RBM19: variants seen among roughly 807,000 people sequenced by gnomAD.
The protein encoded by RBM19 is RNA binding motif protein 19.
RBM19 carries 94 observed loss-of-function variants against 116.8 expected under a neutral mutation model. The ratio of observed to expected loss-of-function variants is 0.80; its 90% CI spans 0.68 to 0.95. The LOEUF (loss-of-function observed/expected upper bound fraction) is 0.95. Ranked by LOEUF, RBM19 falls within the 40% of genes least tolerant of loss-of-function variation. The probability of loss-of-function intolerance (pLI) is 0.00; values close to 1 mark genes in which losing one functional copy is unlikely to be tolerated. For missense variants in RBM19, 1,161 were observed against 1,220.7 expected, an observed-to-expected ratio of 0.95 and a Z score of 0.73; for synonymous variants, 475 against 494.1, an observed-to-expected ratio of 0.96 and a Z score of 0.51.
chr12:113,928,624 G>GGGGTGTGTGTGTGTGTGT (rs757641377), intron 16 of RBM19, among the ~76,000 whole-genome samples: 1 of 54,270 alleles, frequency 1.8e-5, no homozygotes, highest in African/African-American at 7.6e-5. Flanking sequence ...GTTAGCAAGG[G>GGGGTGTGTGTGTGTGTGT]ATGTGTGTGT....
chr12:113,963,859 G>A (rs566631791), intron 1 of RBM19, among the ~76,000 whole-genome samples: 12 of 152,292 alleles, frequency 7.9e-5, no homozygotes, highest in Admixed American at 1.3e-4. Context: ...TCTCACTTCC[G>A]AGGTTTTACT....
chr12:113,819,425 GGAA>G (rs1189968741), downstream of RBM19, among the ~76,000 whole-genome samples: 4 of 152,294 alleles, frequency 2.6e-5, no homozygotes, highest in Non-Finnish European at 1.5e-5. Context: ...ATATCGGCAG[GGAA>G]GGGTCACAGC....
rs77469521 is a variant in RBM19, at chr12:113,961,893, T to A, written c.219+339A>T. On this transcript the variant is annotated intron_variant, in intron 2 of 23. Coordinates refer to ENST00000261741, the MANE Select transcript of RBM19 (RefSeq NM_016196.4). ...TAAACTCCCAGCATCATTGAGTGCT[T>A]GCTAAATGCATGAGTGAATGGATGA... Among the ~76,000 whole-genome samples, 216 of 152,358 alleles carry A rather than the reference T, an allele frequency of 1.4e-3. 5 individuals are homozygous for A. In the East Asian group the frequency reaches 0.041, roughly 29 times the overall value.
intron 23 of RBM19, among the ~76,000 whole-genome samples, chr12:113,832,002 C>T (rs1304475713): frequency 1.3e-5 from 2 of 152,022 alleles, no homozygotes; most frequent in Non-Finnish European, 2.9e-5. Context: ...CTGCCTTGAC[C>T]GAAAGAATTC....
chr12:113,849,186 C>G lies in RBM19; in HGVS notation c.2665-4398G>C, dbSNP rs1877245741. Among the ~76,000 whole-genome samples the G allele has an allele frequency of 3.9e-5, 6 of 152,360 alleles. No homozygotes were observed. The South Asian group carries it at 1.2e-3, about 32-fold the overall frequency. On this transcript the variant is annotated intron_variant, in intron 22 of 23. Coordinates refer to ENST00000261741, the MANE Select transcript of RBM19 (RefSeq NM_016196.4). ...GACACCTGGCCTCCGTTTCCAGAAC[C>G]TGCTCCCTGCCCCATAATGCCTTCT...
At chr12:113,876,656 TG>T (rs561595150) in intron 21 of RBM19, among the ~76,000 whole-genome samples, 2 of 152,030 alleles carry the variant, frequency 1.3e-5, no homozygotes, top group East Asian at 3.9e-4. Context: ...CTGGGTGTGG[TG>T]GTGTGTGCCT....
chr12:113,943,030 T>G (rs1352337445), intron 13 of RBM19, among the ~76,000 whole-genome samples: 1 of 152,148 alleles, frequency 6.6e-6, no homozygotes, highest in Non-Finnish European at 1.5e-5. Context: ...TGAGCTCATC[T>G]CACCGCAGGG....
chr12:113,890,555 C>T (rs1836372651), intron 21 of RBM19, among the ~76,000 whole-genome samples: 1 of 152,226 alleles, frequency 6.6e-6, no homozygotes, highest in African/African-American at 2.4e-5. Flanking sequence ...CCGATCACCC[C>T]CACCCCACTG....
chr12:113,936,156 C>A (rs891638894), intron 16 of RBM19, among the ~76,000 whole-genome samples: 2 of 147,050 alleles, frequency 1.4e-5, no homozygotes, highest in African/African-American at 5.3e-5. Context: ...TAGCTGAGGA[C>A]TTATTATTAT....
Position 113,959,879 on chromosome 12 carries a change from C to G in RBM19, c.364G>C (p.Gly122Arg), listed in dbSNP as rs1566045055. The change falls in exon 4 of 24, where the codon GGT becomes CGT. Residue 122 changes from glycine (G) to arginine (R), a missense_variant. By Grantham distance (125) the Gly-to-Arg change is moderately radical. Transcript: ENST00000261741. ...KKDEKKKKVA[G>R]QLEKLKEDTE... ...GACAGACTCACCTTCTCCAGTTGAC[C>G]TGCCACCTTTTTCTTCTTCTCATCC... is the stretch of plus-strand genomic sequence containing the variant. 6.2e-7 allele frequency: 1 copy of G among 1,614,190 alleles called. No individual in the cohort carries two copies. Among genetic ancestry groups the G allele is most frequent in the Non-Finnish European group, 8.5e-7 (1 of 1,180,034 alleles).
At chr12:113,845,721 C>T (rs924516856) in intron 22 of RBM19, among the ~76,000 whole-genome samples, 10 of 152,262 alleles carry the variant, frequency 6.6e-5, no homozygotes, top group African/African-American at 1.9e-4. Context: ...TCTTAAACAT[C>T]GCTAGGTCTC....
In RBM19 at chr12:113,903,840, A is replaced by G. The variant is rs1015330555; in HGVS notation, c.2558+11129T>C. 2.0e-5 allele frequency among the ~76,000 whole-genome samples: 3 copies of G among 152,140 alleles called. No homozygotes were observed. The East Asian group carries it at 5.8e-4, about 29-fold the overall frequency. ...GTAGTTCCTGTCTCTCCCTCCTAAA[A>G]TAAGAGGACATACTTACTCACTTTA... On this transcript the variant is annotated intron_variant, in intron 21 of 23. Coordinates refer to ENST00000261741, the MANE Select transcript of RBM19 (RefSeq NM_016196.4). This position sits in a 1 kb window ranked among gnomAD's most constrained non-coding sequence, Gnocchi z 5.1.
intron 1 of RBM19, 168 bp downstream of exon 1, chr12:113,966,024 G>C: frequency 1.4e-6 from 1 of 709,538 alleles, no homozygotes; most frequent in Non-Finnish European, 2.4e-6. Flanking sequence ...CTCTTTCCTC[G>C]GGATCAAATG....
At chr12:113,896,568 C>A (rs1222704217) in intron 21 of RBM19, among the ~76,000 whole-genome samples, 1 of 152,150 alleles carries the variant, frequency 6.6e-6, no homozygotes. Context: ...TTGTGACACC[C>A]CATTGAGATG....
chr12:113,947,519 G>A, intron 10 of RBM19, 55 bp from the exon 11 acceptor site: 7 of 1,540,836 alleles, frequency 4.5e-6, no homozygotes, highest in Non-Finnish European at 6.2e-6. Flanking sequence ...TGGCCCCAGG[G>A]AAGAATGTGG....
At chr12:113,852,521 C>T (rs932196105) in intron 22 of RBM19, among the ~76,000 whole-genome samples, 1 of 152,208 alleles carries the variant, frequency 6.6e-6, no homozygotes, top group Admixed American at 6.5e-5. Context: ...GGACAAAACT[C>T]CAATTCCTGA....
At chr12:113,947,298 C>CCACA (rs1376633342) in intron 11 of RBM19, 36 bp downstream of exon 11, 2 of 1,554,206 alleles carry the variant, frequency 1.3e-6, no homozygotes, top group Non-Finnish European at 1.8e-6. Context: ...CATGTGAGCC[C>CCACA]CACAGCCTCC....
chr12:113,820,387 G>T (rs920345476), downstream of RBM19, among the ~76,000 whole-genome samples: 2 of 151,982 alleles, frequency 1.3e-5, no homozygotes, highest in African/African-American at 4.8e-5. Flanking sequence ...AGAATGTGAG[G>T]GAAGGGCATC....
chr12:113,889,965 G>C (rs2135805044), intron 21 of RBM19, among the ~76,000 whole-genome samples: 1 of 152,112 alleles, frequency 6.6e-6, no homozygotes, highest in South Asian at 2.1e-4. Context: ...TCCTTCTCCA[G>C]CTCCCCAGCT....
Sources: gnomAD v4.1 joint callset for allele counts (sites outside exome capture counted in the v4.1 genomes callset) on GRCh38, gnomAD v4.1.1 for gene constraint, Gnocchi (gnomAD v3.1) non-coding constraint, MANE v1.5 for transcripts, NCBI Gene and HGNC (gene_info 2026-07-23, HGNC 2026-07-21) for gene names.